Variants in NMU observed in about 807,000 individuals in gnomAD.
NMU encodes the protein neuromedin U, also known as neuromedin-U.
Under a neutral mutation model 35.4 loss-of-function variants are expected in NMU, and 29 were observed. The observed-to-expected ratio is 0.82, with a 90% CI of 0.61 to 1.12. The LOEUF is 1.12. Among genes scored for constraint, NMU ranks in the 50% most tolerant of loss-of-function variants. The pLI, the probability that NMU is intolerant of heterozygous loss-of-function variation, is 0.00. For missense variants in NMU, 199 were observed against 206.2 expected (o/e 0.97, Z 0.21); for synonymous variants, 78 against 81.3 (o/e 0.96, Z 0.22).
rs187207356 is a variant in NMU at position 55,635,779 on chromosome 4, A to T, written c.112+302T>A. 6.8e-3 allele frequency among the ~76,000 whole-genome samples: 1,037 copies of T among 152,374 alleles called. 35 individuals are homozygous for T. The highest frequency in any genetic ancestry group is 0.062 in the Admixed American group (947 of 15,308). ...CGGGCCGGGGGGTCTGGAAATCCCG[A>T]GGATGAGGGAACCCTACCAGTCTCC... On this transcript the variant is annotated intron_variant, in intron 1 of 9. Coordinates refer to ENST00000264218, the MANE Select transcript of NMU (RefSeq NM_006681.4).
rs566636436 is a variant in NMU at position 55,604,214 on chromosome 4, C to T, written c.435+1061G>A. Among the ~76,000 whole-genome samples, 265 of 150,190 alleles carry T rather than the reference C, an allele frequency of 1.8e-3. 3 individuals are homozygous for T. The highest frequency in any genetic ancestry group is 6.2e-3 in the African/African-American group (251 of 40,358). Reference sequence around the variant, plus strand: ...CCGAGTAGCTGGGATCACAGGCGCCCACCGCCACGCCCAGCTAATTTTTGT... The same window carrying T: ...CCGAGTAGCTGGGATCACAGGCGCCTACCGCCACGCCCAGCTAATTTTTGT... On this transcript the variant is annotated intron_variant, in intron 7 of 9. Transcript: ENST00000264218.
chr4:55,619,827 C>A (rs2110204386), intron 2 of NMU, among the ~76,000 whole-genome samples: 1 of 144,288 alleles, frequency 6.9e-6, no homozygotes, highest in East Asian at 2.1e-4. Flanking sequence ...TGAGAACTGG[C>A]AGACTGCCTC....
chr4:55,609,262 G>A (rs1733832480), intron 3 of NMU, 83 bp from the exon 4 acceptor site: 2 of 1,050,200 alleles, frequency 1.9e-6, no homozygotes, highest in African/African-American at 1.6e-5. Flanking sequence ...AATGTTAGGG[G>A]CATGAGGAAA....
chr4:55,605,730 A>C (rs1733657626), intron 6 of NMU, among the ~76,000 whole-genome samples: 1 of 152,258 alleles, frequency 6.6e-6, no homozygotes, highest in Admixed American at 6.5e-5. Flanking sequence ...CCACACTGCC[A>C]GTAGCAATTT....
intron 7 of NMU, among the ~76,000 whole-genome samples, chr4:55,604,158 C>G (rs1424491596): frequency 1.1e-3 from 171 of 149,398 alleles, no homozygotes; most frequent in Non-Finnish European, 1.7e-3. Flanking sequence ...CTCTGCCTCC[C>G]CGGTTCAAGC....
chr4:55,610,506 G>A (rs1733890791), intron 3 of NMU, among the ~76,000 whole-genome samples: 1 of 151,578 alleles, frequency 6.6e-6, no homozygotes, highest in African/African-American at 2.4e-5. Flanking sequence ...AATTGTTCAA[G>A]GCCTCCAGTA....
At chr4:55,615,453 A>G (rs1734076604) in intron 3 of NMU, among the ~76,000 whole-genome samples, 2 of 152,170 alleles carry the variant, frequency 1.3e-5, no homozygotes. Flanking sequence ...CAATTATAGC[A>G]AACACGCTTG....
rs1488092702 is a variant in NMU, at chr4:55,609,112, A to C, written c.279+8T>G. The C allele has an allele frequency of 1.2e-6, 2 of 1,611,714 alleles. No homozygotes were observed. Among genetic ancestry groups the C allele is most frequent in the Non-Finnish European group, 1.7e-6 (2 of 1,177,854 alleles). On this transcript the variant is annotated splice_region_variant and intron_variant, in intron 4 of 9. Coordinates refer to ENST00000264218, the MANE Select transcript of NMU (RefSeq NM_006681.4). Reference sequence around the variant, plus strand: ...TTGTCTACAAACAAAACACTATTTCAAGCTTACCTGAGGCTTTGGTAGCAT... The same window carrying C: ...TTGTCTACAAACAAAACACTATTTCCAGCTTACCTGAGGCTTTGGTAGCAT...
chr4:55,633,183 G>A (rs1182437346), intron 1 of NMU, among the ~76,000 whole-genome samples: 1 of 151,852 alleles, frequency 6.6e-6, no homozygotes, highest in Non-Finnish European at 1.5e-5. Flanking sequence ...AAATTAGCCG[G>A]GCATGGTGGC....
intron 2 of NMU, among the ~76,000 whole-genome samples, chr4:55,627,088 A>T (rs1734560659): frequency 6.6e-6 from 1 of 152,194 alleles, no homozygotes; most frequent in Non-Finnish European, 1.5e-5. Context: ...GCAGCACAGG[A>T]AGAGCCATGG....
Position 55,607,474 on chromosome 4 carries a change from A to G in NMU, c.280-8T>C. 3 of 924,020 alleles carry G rather than the reference A, an allele frequency of 3.2e-6. No homozygotes were observed. Among genetic ancestry groups the G allele is most frequent in the Non-Finnish European group, 5.1e-6 (3 of 584,100 alleles). The allele number at this position is 924,020 out of a possible 1,614,324, so 57.2% of individuals were successfully genotyped here. A position where few individuals can be genotyped will look rare whatever the true frequency, so the allele number is the denominator to read the frequency against. On this transcript the variant is annotated splice_polypyrimidine_tract_variant and splice_region_variant and intron_variant, in intron 4 of 9. Transcript: ENST00000264218. ...ATCTTTTTCATCTTGTTCCTATTGA[A>G]AAGAGATATTGTATATATCATTATA...
At chr4:55,632,199 G>T (rs1317620472) in intron 1 of NMU, among the ~76,000 whole-genome samples, 1 of 152,110 alleles carries the variant, frequency 6.6e-6, no homozygotes, top group East Asian at 1.9e-4. Flanking sequence ...TACATATTGG[G>T]TACAGTGTAC....
chr4:55,630,552 AT>A (rs1263944250), intron 1 of NMU, 92 bp from the exon 2 acceptor site: 12 of 979,278 alleles, frequency 1.2e-5, no homozygotes, highest in Non-Finnish European at 1.9e-5. Flanking sequence ...CACTTTCTTC[AT>A]TTTTCACTGT....
chr4:55,627,395 G>GTT (rs11430338), intron 2 of NMU, among the ~76,000 whole-genome samples: 86 of 148,892 alleles, frequency 5.8e-4, no homozygotes, highest in Middle Eastern at 3.4e-3. Context: ...AAATTTTAAA[G>GTT]TTTTTTTTTT....
At chr4:55,610,922 A>G (rs2110195372) in intron 3 of NMU, among the ~76,000 whole-genome samples, 1 of 152,334 alleles carries the variant, frequency 6.6e-6, no homozygotes, top group Non-Finnish European at 1.5e-5. Context: ...ATTTTTAACA[A>G]CAAAGTTTAA....
intron 3 of NMU, among the ~76,000 whole-genome samples, 196 bp downstream of exon 3, chr4:55,616,142 A>G (rs987122609): frequency 1.3e-5 from 2 of 152,178 alleles, no homozygotes; most frequent in Non-Finnish European, 2.9e-5. Flanking sequence ...CTGCAAATCT[A>G]TTTTATTTAG....
At chr4:55,605,199 T>G in intron 7 of NMU, 76 bp downstream of exon 7, 1 of 963,360 alleles carries the variant, frequency 1.0e-6, no homozygotes, top group South Asian at 1.3e-5. Flanking sequence ...TTTGATGAAC[T>G]ACCACAGCTG....
At position 55,599,151 on chromosome 4, in the gene NMU, T is replaced by C. The variant is rs145053084; in HGVS notation, c.520A>G (p.Ile174Val). 2.5e-4 allele frequency: 398 copies of C among 1,603,614 alleles called. No individual in the cohort carries two copies. In the African/African-American group the frequency reaches 4.9e-3, roughly 20 times the overall value. ...TTTATTTCTCACATACCATTTTAAATGAACCCTGCTGACCTTCTTCCATTC... is the reference window on the plus strand; with the variant it reads ...TTTATTTCTCACATACCATTTTAAACGAACCCTGCTGACCTTCTTCCATTC... ...PRNGRRSAGF[I>V] Residue 174 changes from isoleucine to valine, a missense_variant, in exon 9 of 10, where the codon ATT (isoleucine) becomes GTT (valine). Ile to Val is a conservative substitution (Grantham distance 29). Transcript: ENST00000264218.
rs1416565257 is a variant in NMU, at chr4:55,609,309, T to C, written c.220-130A>G. The C allele has an allele frequency of 5.5e-6, 4 of 722,512 alleles. No individual in the cohort carries two copies. In the Admixed American group the frequency reaches 9.1e-5, roughly 16 times the overall value. The allele number at this position is 722,512 out of a possible 1,614,324, so 44.8% of individuals were successfully genotyped here. ...TGGAAAAGAATCCTTCTGTAGATTA[T>C]TAAAACTGTTGGAATCCTTTGATTT... On this transcript the variant is annotated intron_variant, in intron 3 of 9. Coordinates refer to ENST00000264218, the MANE Select transcript of NMU (RefSeq NM_006681.4).
Sources: allele counts gnomAD v4.1 joint callset (sites outside exome capture counted in the v4.1 genomes callset), GRCh38; gene constraint gnomAD v4.1.1; transcripts MANE v1.5; gene names NCBI Gene and HGNC (gene_info 2026-07-23, HGNC 2026-07-21).